The following PDE1C variants were observed in gnomAD, a reference collection of about 807,000 sequenced individuals.
The protein encoded by PDE1C is dual specificity calcium/calmodulin-dependent 3',5'-cyclic nucleotide phosphodiesterase 1C.
In PDE1C, 62 loss-of-function variants were observed where a neutral mutation model predicts 93.1. The observed-to-expected ratio is 0.67, with a 90% CI of 0.54 to 0.82. The LOEUF (loss-of-function observed/expected upper bound fraction) is 0.82, where lower values mean the gene tolerates loss of function less well. Ranked by LOEUF, PDE1C falls within the 40% of genes least tolerant of loss-of-function variation. The probability of loss-of-function intolerance (pLI) is 0.00; values close to 1 mark genes in which losing one functional copy is unlikely to be tolerated. For synonymous variants in PDE1C, 325 were observed against 310.1 expected (o/e 1.05, Z -0.50); for missense variants, 742 against 884.6 (o/e 0.84, Z 2.04).
intron 2 of PDE1C, among the ~76,000 whole-genome samples, chr7:31,887,427 T>C (rs1326832731): frequency 6.6e-6 from 1 of 152,160 alleles, no homozygotes; most frequent in Non-Finnish European, 1.5e-5. Context: ...GATGCACACA[T>C]GGATTGAAAT....
chr7:32,182,625 A>C lies in PDE1C; in HGVS notation c.137-12669T>G, dbSNP rs372264642. Among the ~76,000 whole-genome samples, 9 of 152,324 alleles carry C rather than the reference A, an allele frequency of 5.9e-5. 2 individuals are homozygous for C. ...CCCTTCATGCTAAAAACTCTCAATA[A>C]ATTAGGTATTGATGGGACGTATCTC... On this transcript the variant is annotated intron_variant, in intron 2 of 18. Coordinates refer to the PDE1C transcript ENST00000396193.
chr7:32,141,200 G>GTAT (rs1563347009), intron 3 of PDE1C, among the ~76,000 whole-genome samples: 1 of 152,214 alleles, frequency 6.6e-6, no homozygotes, highest in African/African-American at 2.4e-5. Flanking sequence ...GTGAATAAGA[G>GTAT]TATGGAAAGG....
chr7:31,737,486 C>T, the PDE1C span, among the ~76,000 whole-genome samples: 2 of 152,108 alleles, frequency 1.3e-5, no homozygotes, highest in Non-Finnish European at 2.9e-5. Flanking sequence ...ATTGCCTCTA[C>T]TCCAAGATAT....
At chr7:32,047,566 T>C (rs1263110785) in intron 2 of PDE1C, among the ~76,000 whole-genome samples, 1 of 152,164 alleles carries the variant, frequency 6.6e-6, no homozygotes, top group Non-Finnish European at 1.5e-5. Flanking sequence ...TCCTTAATGC[T>C]AGGAGTGAGA....
chr7:31,850,613 T>A, intron 8 of PDE1C, 28 bp downstream of exon 8: 1 of 1,479,548 alleles, frequency 6.8e-7, no homozygotes, highest in Non-Finnish European at 9.5e-7. Context: ...CCCTCTTGCC[T>A]CTCTTCCAAA....
At chr7:31,769,531 T>G (rs1337301594) in intron 17 of PDE1C, among the ~76,000 whole-genome samples, 1 of 152,234 alleles carries the variant, frequency 6.6e-6, no homozygotes, top group Non-Finnish European at 1.5e-5. Flanking sequence ...TTTCTCCATA[T>G]CCTGCTAAAA....
Position 31,824,870 on chromosome 7 carries a change from G to A in PDE1C, c.1403C>T (p.Ser468Leu), listed in dbSNP as rs773228744. The change falls in exon 13 of 18, where the codon TCG (serine) becomes TTG (leucine). Residue 468 changes from serine to leucine, a missense_variant. Physicochemically the swap from Ser to Leu is moderately radical, Grantham distance 145. This residue lies in a region of PDE1C where 454 missense variants were observed against 459.4 expected (regional missense o/e 0.99). Transcript: ENST00000396191. ...SQTGGTGQRR[S>L]SLNSISSSDA... The stretch of plus-strand genomic sequence containing the variant: ...GCCCTCAAGCTTCCCCACTGACCTC[G>A]AACGCCTCTGTCCTGTCCCACCAGT... 9.3e-6 allele frequency: 15 copies of A among 1,612,376 alleles called. No homozygotes were observed. The South Asian group carries it at 9.9e-5, about 11-fold the overall frequency.
At chr7:31,698,345 C>G in the PDE1C span, among the ~76,000 whole-genome samples, 1 of 152,150 alleles carries the variant, frequency 6.6e-6, no homozygotes, top group Non-Finnish European at 1.5e-5. Flanking sequence ...CTTGTTCCTC[C>G]ACCTCTTCTT....
At chr7:32,049,227 G>A (rs1318715247) in intron 2 of PDE1C, among the ~76,000 whole-genome samples, 1 of 152,142 alleles carries the variant, frequency 6.6e-6, no homozygotes, top group Non-Finnish European at 1.5e-5. Flanking sequence ...GAATTGTTTA[G>A]CCATCTGTAC....
chr7:32,417,970 TTTTG>T (rs1406249550), intron 1 of PDE1C, among the ~76,000 whole-genome samples: 9 of 152,138 alleles, frequency 5.9e-5, no homozygotes, highest in African/African-American at 2.2e-4. Flanking sequence ...AAACTTGTGT[TTTTG>T]TTTGTTTGTT....
chr7:31,831,658 T>C (rs1303944814), intron 11 of PDE1C, among the ~76,000 whole-genome samples: 3 of 151,390 alleles, frequency 2.0e-5, no homozygotes, highest in African/African-American at 4.9e-5. Context: ...CACTCAAAGA[T>C]TGTAAATAAC....
chr7:32,294,137 C>T (rs926683682), intron 1 of PDE1C, among the ~76,000 whole-genome samples: 17 of 152,116 alleles, frequency 1.1e-4, no homozygotes, highest in African/African-American at 4.1e-4. Flanking sequence ...TCAGCTTAGC[C>T]TCCGTCCCCT....
chr7:31,933,282 C>G (rs543753951), intron 2 of PDE1C, among the ~76,000 whole-genome samples: 22 of 151,772 alleles, frequency 1.4e-4, no homozygotes, highest in African/African-American at 4.8e-4. Context: ...TTAGAGAAAA[C>G]AATAAATATA....
intron 1 of PDE1C, among the ~76,000 whole-genome samples, chr7:32,292,488 A>C (rs1436530621): frequency 1.3e-5 from 2 of 152,228 alleles, no homozygotes; most frequent in East Asian, 3.8e-4. Flanking sequence ...TACTGTACCC[A>C]GTGGATAAAT....
the PDE1C span, among the ~76,000 whole-genome samples, chr7:31,655,532 G>A: frequency 1.3e-5 from 2 of 152,130 alleles, no homozygotes; most frequent in Non-Finnish European, 2.9e-5. Flanking sequence ...TTTAGAATAA[G>A]CCAGAGAATG....
intron 1 of PDE1C, among the ~76,000 whole-genome samples, chr7:32,361,838 A>G (rs190529328): frequency 6.2e-4 from 94 of 152,324 alleles, no homozygotes; most frequent in Middle Eastern, 3.4e-3. Flanking sequence ...CCATGCAGGT[A>G]CTCAGAAATA....
In PDE1C at chr7:32,032,630, A is replaced by G. The variant is rs557042697; in HGVS notation, c.128+18924T>C. Reference sequence around the variant, plus strand: ...AATCGTGATTCCTGCTTCTATTATTATAGATAAAAACCTACCATCTTATGG... The same window carrying G: ...AATCGTGATTCCTGCTTCTATTATTGTAGATAAAAACCTACCATCTTATGG... On this transcript the variant is annotated intron_variant, in intron 2 of 17. Transcript: ENST00000396191. Among the ~76,000 whole-genome samples the G allele has an allele frequency of 4.6e-5, 7 of 152,294 alleles. No homozygotes were observed. In the South Asian group the frequency reaches 1.4e-3, roughly 32 times the overall value.
intron 1 of PDE1C, among the ~76,000 whole-genome samples, chr7:32,418,583 C>T (rs191765161): frequency 9.9e-4 from 151 of 152,112 alleles, no homozygotes; most frequent in African/African-American, 3.1e-3. Context: ...TGGGAAGATA[C>T]GGCAGCACAC....
the PDE1C span, among the ~76,000 whole-genome samples, chr7:31,623,318 C>T: frequency 1.3e-5 from 2 of 152,000 alleles, no homozygotes; most frequent in Non-Finnish European, 2.9e-5. Flanking sequence ...GAATTTTAGA[C>T]CAATATCCTT....
Sources: gnomAD v4.1 joint callset for allele counts (sites outside exome capture counted in the v4.1 genomes callset) on GRCh38, gnomAD v4.1.1 for gene constraint, gnomAD v4.1.1 regional missense constraint, MANE v1.5 for transcripts, NCBI Gene and HGNC (gene_info 2026-07-23, HGNC 2026-07-21) for gene names.